Variants in CREBBP observed in about 807,000 individuals in gnomAD.
CREBBP encodes CREB-binding protein.
In CREBBP, 19 loss-of-function variants were observed where a neutral mutation model predicts 265.0. That is an observed-to-expected ratio of 0.07 (90% CI 0.05 to 0.11). CREBBP has a LOEUF of 0.11. CREBBP is among the 10% of genes least tolerant of loss of function. CREBBP has a pLI of 1.00. For missense variants in CREBBP, 2,525 were observed against 3,219.0 expected (o/e 0.78, Z 5.22); for synonymous variants, 1,457 against 1,223.7 (o/e 1.19, Z -3.98).
intron 17 of CREBBP, 148 bp downstream of exon 17, chr16:3,758,706 G>A (rs1401086599): frequency 1.4e-5 from 10 of 719,634 alleles, no homozygotes; most frequent in Non-Finnish European, 2.4e-5. Context: ...CACTTTCACT[G>A]ATAACTGTTA....
Position 3,736,217 on chromosome 16 carries a change from G to A in CREBBP, c.4561-14C>T, listed in dbSNP as rs997275877. On this transcript the variant is annotated splice_polypyrimidine_tract_variant and intron_variant, in intron 27 of 30. Transcript: ENST00000262367. ...TTTGAAAATATCCTGAGTGGGCAAA[G>A]CACAACAGTGAGATGAGGGCCATGC... 2.5e-6 allele frequency: 4 copies of A among 1,613,606 alleles called. No individual in the cohort carries two copies. The highest frequency in any genetic ancestry group is 2.5e-6 in the Non-Finnish European group (3 of 1,179,594).
intron 1 of CREBBP, among the ~76,000 whole-genome samples, chr16:3,860,043 G>T (rs1278726819): frequency 6.6e-6 from 1 of 152,090 alleles, no homozygotes; most frequent in Non-Finnish European, 1.5e-5. Flanking sequence ...CTTGAGGACT[G>T]AGCCCTCAAC....
At chr16:3,831,178 T>C (rs1394189256) in intron 2 of CREBBP, among the ~76,000 whole-genome samples, 3 of 152,204 alleles carry the variant, frequency 2.0e-5, no homozygotes, top group Non-Finnish European at 2.9e-5. Flanking sequence ...ATACAAAGCA[T>C]GTTTTCTGAA....
At chr16:3,777,543 G>GA in intron 11 of CREBBP, 70 bp downstream of exon 11, 2 of 1,506,650 alleles carry the variant, frequency 1.3e-6, no homozygotes, top group Non-Finnish European at 1.8e-6. Flanking sequence ...AGGGGGAGAG[G>GA]AAAAAACAGT....
In CREBBP at chr16:3,726,090, G is replaced by A. The variant is rs572377260; in HGVS notation, c.*1628C>T. On this transcript the variant is annotated 3_prime_UTR_variant, in exon 31 of 31. Transcript: ENST00000262367. ...GACCTTTCTCACTGTAACAGGGACC[G>A]GAGCTGGTGCTCCAAGGTGTCTGTC... The A allele has an allele frequency of 6.9e-5, 16 of 233,342 alleles. No individual in the cohort carries two copies. Among genetic ancestry groups the A allele is most frequent in the South Asian group, 3.6e-4 (2 of 5,532 alleles). The allele number at this position is 233,342 out of a possible 1,614,324, so 14.5% of individuals were successfully genotyped here. A position where few individuals can be genotyped will look rare whatever the true frequency, so the allele number is the denominator to read the frequency against.
At chr16:3,830,627 T>G (rs2054324376) in intron 2 of CREBBP, among the ~76,000 whole-genome samples, 1 of 152,194 alleles carries the variant, frequency 6.6e-6, no homozygotes, top group South Asian at 2.1e-4. Flanking sequence ...TTGTTCTGAC[T>G]AAATGAAAAA....
chr16:3,834,416 A>G (rs1265564950), intron 2 of CREBBP, among the ~76,000 whole-genome samples: 2 of 152,214 alleles, frequency 1.3e-5, no homozygotes, highest in Admixed American at 6.5e-5. Flanking sequence ...CCTTAAATAC[A>G]TATTATTAAA....
intron 3 of CREBBP, among the ~76,000 whole-genome samples, chr16:3,809,014 G>C (rs2053885349): frequency 6.6e-6 from 1 of 152,156 alleles, no homozygotes; most frequent in South Asian, 2.1e-4. Context: ...TTCTGGACCT[G>C]CACTATCAGG....
intron 19 of CREBBP, among the ~76,000 whole-genome samples, 179 bp downstream of exon 19, chr16:3,757,109 A>G (rs1596851787): frequency 2.0e-5 from 3 of 152,306 alleles, no homozygotes; most frequent in East Asian, 3.9e-4. Context: ...CCTGGGCTCA[A>G]GTGATTCTCC....
intron 1 of CREBBP, among the ~76,000 whole-genome samples, chr16:3,872,232 T>TA (rs899434863): frequency 1.2e-4 from 18 of 152,154 alleles, no homozygotes; most frequent in East Asian, 7.7e-4. Context: ...AGGAACTTAA[T>TA]AAAAAAAACT....
At chr16:3,870,417 G>A (rs1332267409) in intron 1 of CREBBP, among the ~76,000 whole-genome samples, 1 of 152,120 alleles carries the variant, frequency 6.6e-6, no homozygotes, top group African/African-American at 2.4e-5. Flanking sequence ...TAATTTCTCT[G>A]CATTTACTTT....
intron 23 of CREBBP, chr16:3,741,092 T>G (rs2151343217): frequency 5.8e-6 from 1 of 172,270 alleles, no homozygotes; most frequent in African/African-American, 2.4e-5. Context: ...CCTCGTGCGG[T>G]GCACGAATGA....
intron 12 of CREBBP, 66 bp downstream of exon 12, chr16:3,774,503 G>T: frequency 6.2e-7 from 1 of 1,605,082 alleles, no homozygotes; most frequent in Non-Finnish European, 8.5e-7. Context: ...CATGAATTCT[G>T]CTGCTTAGAT....
intron 2 of CREBBP, among the ~76,000 whole-genome samples, chr16:3,839,151 C>G (rs8046625): frequency 0.045 from 6,842 of 152,128 alleles, 478 homozygotes; most frequent in African/African-American, 0.15. Flanking sequence ...AAACTAAAAC[C>G]CAGAGAGATT....
Position 3,726,298 on chromosome 16 carries a change from G to C in CREBBP, c.*1420C>G, listed in dbSNP as rs562603203. The C allele has an allele frequency of 4.3e-6, 1 of 233,166 alleles. No individual in the cohort carries two copies. The highest frequency in any genetic ancestry group is 8.5e-6 in the Non-Finnish European group (1 of 118,040). The allele number at this position is 233,166 out of a possible 1,614,324, so 14.4% of individuals were successfully genotyped here. A position where few individuals can be genotyped will look rare whatever the true frequency, so the allele number is the denominator to read the frequency against. On this transcript the variant is annotated 3_prime_UTR_variant, in exon 31 of 31. Coordinates refer to ENST00000262367, the MANE Select transcript of CREBBP (RefSeq NM_004380.3). ...CGCCGCCTCTGGGGGTGGCAGCTAC[G>C]ACGGACAGGGAGGATGGAGGAGTGG...
chr16:3,773,661 T>C, intron 13 of CREBBP, 90 bp downstream of exon 13: 1 of 1,376,066 alleles, frequency 7.3e-7, no homozygotes, highest in South Asian at 1.3e-5. Flanking sequence ...GGAATTTTAA[T>C]TTCCACGAAG....
intron 2 of CREBBP, among the ~76,000 whole-genome samples, chr16:3,835,619 G>A (rs563976772): frequency 2.3e-4 from 30 of 131,682 alleles, no homozygotes; most frequent in South Asian, 4.6e-4. Context: ...TTGCTCTGTC[G>A]CCTAGGCTGG....
Position 3,848,701 on chromosome 16 carries a change from TAGAC to T in CREBBP, c.798+1592_798+1595del, listed in dbSNP as rs2054720371. Among the ~76,000 whole-genome samples the T allele has an allele frequency of 3.9e-5, 6 of 152,220 alleles. No homozygotes were observed. The South Asian group carries it at 1.2e-3, about 32-fold the overall frequency. On this transcript the variant is annotated intron_variant, in intron 2 of 30. Coordinates refer to ENST00000262367, the MANE Select transcript of CREBBP (RefSeq NM_004380.3). ...TTCATATGATTTAAACTCTCCAGAA[TAGAC>T]AGAGTTTTAAAAGTAAGGAGTAGAG...
chr16:3,732,054 G>A (rs1336826181), intron 28 of CREBBP, 117 bp from the exon 29 acceptor site: 6 of 1,583,640 alleles, frequency 3.8e-6, no homozygotes, highest in South Asian at 2.2e-5. Flanking sequence ...TCACCACCAG[G>A]CAGACCCCAT....
Sources: allele counts gnomAD v4.1 joint callset (sites outside exome capture counted in the v4.1 genomes callset), GRCh38; gene constraint gnomAD v4.1.1; transcripts MANE v1.5; gene names NCBI Gene and HGNC (gene_info 2026-07-23, HGNC 2026-07-21).